Variants in COL4A2 observed in about 807,000 individuals in gnomAD.
COL4A2 encodes the protein collagen type IV alpha 2 chain.
In COL4A2, 99 loss-of-function variants were observed where a neutral mutation model predicts 200.2. The observed-to-expected ratio is 0.49, with a 90% CI of 0.42 to 0.58. The LOEUF (loss-of-function observed/expected upper bound fraction) is 0.58. COL4A2 is among the 20% of genes least tolerant of loss of function. The pLI, the probability that COL4A2 is intolerant of heterozygous loss-of-function variation, is 0.00. For missense variants in COL4A2, 1,950 were observed against 2,314.1 expected (o/e 0.84, Z 3.23); for synonymous variants, 897 against 900.6 (o/e 1.00, Z 0.07).
In COL4A2 at chr13:110,489,480, T is replaced by C; in HGVS notation, c.3243T>C (p.Tyr1081=). The change falls in exon 35 of 48, where the codon TAT becomes TAC. Residue 1081 remains tyrosine, a synonymous_variant. Transcript: ENST00000360467. Reference sequence around the variant, plus strand: ...GTGCCCCAGGGAGAGCAGGCCTGTATGGCGAGATTGGCGCGACTGGTGATT... The same window carrying C: ...GTGCCCCAGGGAGAGCAGGCCTGTACGGCGAGATTGGCGCGACTGGTGATT... ...DKGAPGRAGL[Y]GEIGATGDFG... 6.2e-7 allele frequency: 1 copy of C among 1,614,212 alleles called. No individual in the cohort carries two copies. The highest frequency in any genetic ancestry group is 1.1e-5 in the South Asian group (1 of 91,076).
chr13:110,350,037 A>G (rs1316280020), intron 3 of COL4A2, among the ~76,000 whole-genome samples: 1 of 152,234 alleles, frequency 6.6e-6, no homozygotes, highest in East Asian at 1.9e-4. Flanking sequence ...TGCTAGGCTT[A>G]CAGGCGTGAG....
rs112425991 is a variant in COL4A2, at chr13:110,511,479, T to C, written c.4882-455T>C. ...TGGCTGGGTGATTATTTTTAACTTA[T>C]TAGCCTCAGATGCCAGCCTACATCT... On this transcript the variant is annotated intron_variant, in intron 47 of 47. Coordinates refer to ENST00000360467, the MANE Select transcript of COL4A2 (RefSeq NM_001846.4). Among the ~76,000 whole-genome samples, 832 of 152,358 alleles carry C rather than the reference T, an allele frequency of 5.5e-3. 5 individuals are homozygous for C. The highest frequency in any genetic ancestry group is 0.01 in the Middle Eastern group (3 of 294).
chr13:110,378,303 A>G (rs530192667), intron 4 of COL4A2, among the ~76,000 whole-genome samples: 3 of 152,240 alleles, frequency 2.0e-5, no homozygotes, highest in Non-Finnish European at 2.9e-5. Context: ...AAGGAAATAC[A>G]GACAAGGGAG....
chr13:110,446,818 G>T lies in COL4A2; in HGVS notation c.1032G>T (p.Gly344=). 6.2e-7 allele frequency: 1 copy of T among 1,612,092 alleles called. No homozygotes were observed. Among genetic ancestry groups the T allele is most frequent in the Non-Finnish European group, 8.5e-7 (1 of 1,178,480 alleles). The change falls in exon 18 of 48, where the codon GGG becomes GGT. Residue 344 remains glycine (G), a synonymous_variant. Transcript: ENST00000360467. ...RGPKGEAGDP[G]PPGLPAYSPH... is the part of the protein sequence containing the mutation. ...TCTAGGGAGAAGCCGGAGACCCAGGGCCCCCTGGACTACCTGCCTACTCCC... is the reference window on the plus strand; with the variant it reads ...TCTAGGGAGAAGCCGGAGACCCAGGTCCCCCTGGACTACCTGCCTACTCCC...
intron 47 of COL4A2, among the ~76,000 whole-genome samples, chr13:110,511,264 C>A (rs1249479173): frequency 1.3e-5 from 2 of 151,894 alleles, no homozygotes; most frequent in South Asian, 4.2e-4. Flanking sequence ...CCTTGAAGAC[C>A]TCAGCCATCT....
At chr13:110,428,809 T>G (rs981490776) in intron 7 of COL4A2, among the ~76,000 whole-genome samples, 1 of 152,242 alleles carries the variant, frequency 6.6e-6, no homozygotes, top group African/African-American at 2.4e-5. Flanking sequence ...ACTCTCAGTC[T>G]CCCAAGTGTC....
Position 110,308,078 on chromosome 13 carries a change from G to T in COL4A2, c.54G>T (p.Leu18=), listed in dbSNP as rs777427868. Residue 18 remains leucine, a synonymous_variant, in exon 3 of 48, where the codon CTG becomes CTT. Coordinates refer to ENST00000360467, the MANE Select transcript of COL4A2 (RefSeq NM_001846.4). ...VAGPALRRWL[L]LGTVTVGFLA... is the part of the protein sequence containing the mutation. ...TCCCTTTCCCATGCAGGTGGCTGCT[G>T]CTGGGGACAGTGACCGTGGGGTTCC... 7 of 1,613,868 alleles carry T rather than the reference G, an allele frequency of 4.3e-6. No homozygotes were observed. The South Asian group carries it at 7.7e-5, about 18-fold the overall frequency.
At chr13:110,453,088 G>A (rs1434162663) in intron 20 of COL4A2, among the ~76,000 whole-genome samples, 1 of 152,112 alleles carries the variant, frequency 6.6e-6, no homozygotes, top group Admixed American at 6.5e-5. Context: ...CATTATCCTG[G>A]ACTGCTGTGA....
rs532845264 is a variant in COL4A2 at position 110,490,430 on chromosome 13, G to A, written c.3346+645G>A. The stretch of plus-strand genomic sequence containing the variant: ...AGGGGCTTGCAGGGCTGGCCCTGGT[G>A]GGAGGGAAGGAGTCTGTCCAGGGTT... On this transcript the variant is annotated intron_variant, in intron 36 of 47. Transcript: ENST00000360467. Among the ~76,000 whole-genome samples the A allele has an allele frequency of 2.0e-5, 3 of 152,354 alleles. No homozygotes were observed. The South Asian group carries it at 6.2e-4, about 32-fold the overall frequency.
chr13:110,417,463 CTTT>C (rs1285762419), intron 4 of COL4A2, among the ~76,000 whole-genome samples: 1 of 152,048 alleles, frequency 6.6e-6, no homozygotes. Context: ...CTCAGCTCCT[CTTT>C]TGTTTGTTTG....
chr13:110,492,114 G>A lies in COL4A2; in HGVS notation c.3499G>A (p.Gly1167Arg). ...GCCTCCAGGGTCGCAGGGAGAGCTG[G>A]GGCGGATTGGACTGCCTGGTGGCAA... ...TGPPGSQGELGRIGLPGGKGD... is the reference protein window; with the variant it reads ...TGPPGSQGELRRIGLPGGKGD... Residue 1167 changes from glycine (G) to arginine (R), a missense_variant, in exon 38 of 48, where the codon GGG becomes AGG. Coordinates refer to ENST00000360467, the MANE Select transcript of COL4A2 (RefSeq NM_001846.4). 3.9e-6 allele frequency: 6 copies of A among 1,553,326 alleles called. No homozygotes were observed. The highest frequency in any genetic ancestry group is 5.2e-6 in the Non-Finnish European group (6 of 1,147,730).
chr13:110,408,861 A>G (rs1255480192), intron 4 of COL4A2, among the ~76,000 whole-genome samples: 66 of 147,754 alleles, frequency 4.5e-4, no homozygotes, highest in East Asian at 2.0e-4. Flanking sequence ...ACACACATAC[A>G]CGCACATATA....
At chr13:110,311,772 C>T (rs1267292841) in intron 3 of COL4A2, among the ~76,000 whole-genome samples, 1 of 152,210 alleles carries the variant, frequency 6.6e-6, no homozygotes, top group Non-Finnish European at 1.5e-5. Context: ...ATGCAGCCGG[C>T]TGGGTGGTCA....
chr13:110,504,306 C>A, intron 45 of COL4A2, 42 bp downstream of exon 45: 2 of 1,497,774 alleles, frequency 1.3e-6, no homozygotes, highest in South Asian at 2.3e-5. Context: ...TCCTAGTGCT[C>A]TGGATCTGAC....
intron 4 of COL4A2, among the ~76,000 whole-genome samples, chr13:110,361,885 G>C (rs1877529435): frequency 6.6e-6 from 1 of 152,242 alleles, no homozygotes; most frequent in Admixed American, 6.5e-5. Context: ...CCAGGAGCCA[G>C]CCCATGTCCT....
At chr13:110,365,393 G>A (rs556233655) in intron 4 of COL4A2, among the ~76,000 whole-genome samples, 12 of 152,152 alleles carry the variant, frequency 7.9e-5, no homozygotes, top group African/African-American at 2.2e-4. Context: ...CACCTGCCTC[G>A]GCCTCCCAAA....
At chr13:110,493,806 C>A (rs749081352) in intron 39 of COL4A2, among the ~76,000 whole-genome samples, 1 of 121,958 alleles carries the variant, frequency 8.2e-6, no homozygotes. Context: ...AGCATGCCAG[C>A]GTGGTCGGGT....
At chr13:110,359,648 C>T (rs950463028) in intron 4 of COL4A2, among the ~76,000 whole-genome samples, 1 of 152,176 alleles carries the variant, frequency 6.6e-6, no homozygotes, top group Non-Finnish European at 1.5e-5. Context: ...CCAGGAAGAA[C>T]GACCCTCTGC....
At chr13:110,442,644 T>C (rs1267551819) in intron 16 of COL4A2, among the ~76,000 whole-genome samples, 1 of 152,208 alleles carries the variant, frequency 6.6e-6, no homozygotes, top group Non-Finnish European at 1.5e-5. Context: ...CCACTGAGAT[T>C]GTCAGAACTT....
Sources: gnomAD v4.1 joint callset for allele counts (sites outside exome capture counted in the v4.1 genomes callset) on GRCh38, gnomAD v4.1.1 for gene constraint, MANE v1.5 for transcripts, NCBI Gene and HGNC (gene_info 2026-07-23, HGNC 2026-07-21) for gene names.